MEF2C: variants seen among roughly 807,000 people sequenced by gnomAD.
MEF2C encodes myocyte enhancer factor 2C, also known as myocyte-specific enhancer factor 2C.
A neutral mutation model predicts 50.5 loss-of-function variants in MEF2C; 6 were observed. That is an observed-to-expected ratio of 0.12 (90% CI 0.07 to 0.23). MEF2C has a LOEUF of 0.23. Ranked by LOEUF, MEF2C falls within the 10% of genes least tolerant of loss-of-function variation. The pLI is 1.00. For synonymous variants in MEF2C, 183 were observed against 228.0 expected (o/e 0.80, Z 1.78); for missense variants, 276 against 605.0 (o/e 0.46, Z 5.70).
At chr5:88,774,237 C>T (rs1376427591) in intron 3 of MEF2C, among the ~76,000 whole-genome samples, 1 of 152,198 alleles carries the variant, frequency 6.6e-6, no homozygotes, top group Non-Finnish European at 1.5e-5. Context: ...ACAACTACAT[C>T]ATGCATTAAG....
intron 3 of MEF2C, among the ~76,000 whole-genome samples, chr5:88,776,414 C>A (rs779351898): frequency 6.6e-6 from 1 of 152,012 alleles, no homozygotes. Context: ...CCATAGCCAC[C>A]CTGCTGTGCA....
intron 6 of MEF2C, chr5:88,740,775 A>G (rs886367984): frequency 1.0e-6 from 1 of 985,262 alleles, no homozygotes; most frequent in South Asian, 4.7e-5. Flanking sequence ...GAACCACACT[A>G]TCTTTAAAAA....
At chr5:88,814,444 C>G (rs993396389) in intron 2 of MEF2C, among the ~76,000 whole-genome samples, 2 of 151,986 alleles carry the variant, frequency 1.3e-5, no homozygotes, top group African/African-American at 4.8e-5. Context: ...TTGTAACCCT[C>G]CAGCATAACT....
At chr5:88,762,749 T>C (rs539535299) in intron 3 of MEF2C, among the ~76,000 whole-genome samples, 162 of 152,258 alleles carry the variant, frequency 1.1e-3, no homozygotes, top group Admixed American at 1.8e-3. Context: ...CAAGATCCGT[T>C]ATAAAGAGAT....
chr5:88,823,615 A>T (rs1182429042), intron 2 of MEF2C, 120 bp downstream of exon 2: 2 of 930,672 alleles, frequency 2.1e-6, no homozygotes, highest in East Asian at 2.6e-5. Flanking sequence ...GGTCACATTT[A>T]ATTAACCCAA....
At chr5:88,746,441 CT>C (rs5869439) in intron 6 of MEF2C, 33,598 of 673,362 alleles carry the variant, frequency 0.05, 1 homozygote, top group Middle Eastern at 0.068. Context: ...CTCCCTCTCA[CT>C]TTTTTTTTTT....
chr5:88,881,845 T>C (rs1216245706), intron 1 of MEF2C, among the ~76,000 whole-genome samples: 1 of 152,128 alleles, frequency 6.6e-6, no homozygotes, highest in Non-Finnish European at 1.5e-5. Flanking sequence ...AGTTTCAGAT[T>C]CACAATAGTA....
At chr5:88,860,034 G>C (rs1373688797) in intron 1 of MEF2C, among the ~76,000 whole-genome samples, 2 of 151,978 alleles carry the variant, frequency 1.3e-5, no homozygotes, top group Non-Finnish European at 2.9e-5. Flanking sequence ...ATTTCCTTTA[G>C]GTAATGGAAA....
In MEF2C at chr5:88,720,546, A is replaced by T. The variant is rs553169131; in HGVS notation, c.*2058T>A. ...CAACTATGCAAGTAAAAGAGAAAAA[A>T]TGGATAAGAAATGTCCTACACATGA... is the stretch of plus-strand genomic sequence containing the variant. On this transcript the variant is annotated 3_prime_UTR_variant, in exon 11 of 11. Coordinates refer to ENST00000504921, the MANE Select transcript of MEF2C (RefSeq NM_002397.5). 3.3e-5 allele frequency: 5 copies of T among 152,716 alleles called. No individual in the cohort carries two copies. In the South Asian group the frequency reaches 1.0e-3, roughly 32 times the overall value. 9.5% of individuals were successfully genotyped at this position (152,716 alleles called of 1,614,324 possible).
chr5:88,769,820 G>T (rs11743441), intron 3 of MEF2C: 151,663 of 293,068 alleles, frequency 0.52, 40,853 homozygotes, highest in East Asian at 0.58. Flanking sequence ...AATTTTTGTA[G>T]TTTTTGGTAG....
intron 2 of MEF2C, among the ~76,000 whole-genome samples, chr5:88,820,041 TA>T (rs1170586274): frequency 6.6e-6 from 1 of 151,012 alleles, no homozygotes; most frequent in Non-Finnish European, 1.5e-5. Context: ...TATTCAGCCA[TA>T]AAATGGGACT....
chr5:88,766,341 C>T (rs1378332567), intron 3 of MEF2C, among the ~76,000 whole-genome samples: 1 of 152,106 alleles, frequency 6.6e-6, no homozygotes, highest in Non-Finnish European at 1.5e-5. Flanking sequence ...ACTAGAAAAT[C>T]CTTTTCTTAT....
intron 6 of MEF2C, chr5:88,748,124 C>G (rs1770803291): frequency 1.0e-6 from 1 of 983,026 alleles, no homozygotes; most frequent in Non-Finnish European, 1.2e-6. Context: ...ACTCTACCCT[C>G]AAATAGATAT....
intron 10 of MEF2C, 61 bp downstream of exon 10, chr5:88,728,432 A>T: frequency 8.0e-7 from 1 of 1,242,838 alleles, no homozygotes; most frequent in African/African-American, 1.6e-5. Flanking sequence ...ATATTTAGAG[A>T]CTGTCATTTG....
chr5:88,743,163 CT>C (rs1767662293), intron 6 of MEF2C: 1 of 907,894 alleles, frequency 1.1e-6, no homozygotes. Context: ...AAAATTATAT[CT>C]TTATACTAAC....
chr5:88,882,405 C>T (rs1833188738), intron 1 of MEF2C, among the ~76,000 whole-genome samples: 2 of 152,164 alleles, frequency 1.3e-5, no homozygotes, highest in Admixed American at 1.3e-4. Flanking sequence ...CTCTGTCAAG[C>T]CGGCACTTTG....
rs943998366 is a variant in MEF2C at position 88,743,773 on chromosome 5, G to A, written c.637+5297C>T. 6 of 985,090 alleles carry A rather than the reference G, an allele frequency of 6.1e-6. No homozygotes were observed. In the African/African-American group the frequency reaches 8.7e-5, roughly 14 times the overall value. 61.0% of individuals were successfully genotyped at this position (985,090 alleles called of 1,614,324 possible). A position where few individuals can be genotyped will look rare whatever the true frequency, so the allele number is the denominator to read the frequency against. On this transcript the variant is annotated intron_variant, in intron 6 of 10. Coordinates refer to ENST00000504921, the MANE Select transcript of MEF2C (RefSeq NM_002397.5). ...CCATCAACTCTCCATGTATTTAGCT[G>A]ACATAAATTAAGCATTCCAGAAGTG... is the stretch of plus-strand genomic sequence containing the variant.
chr5:88,811,110 G>GGGTGACATTTTAAGAA (rs745909764), intron 2 of MEF2C, among the ~76,000 whole-genome samples: 43 of 152,088 alleles, frequency 2.8e-4, no homozygotes, highest in Non-Finnish European at 5.4e-4. Context: ...TCAGTTCTGA[G>GGGTGACATTTTAAGAA]GGTGACATTT....
chr5:88,766,748 T>A (rs994206088), intron 3 of MEF2C: 1 of 985,436 alleles, frequency 1.0e-6, no homozygotes, highest in African/African-American at 1.7e-5. Flanking sequence ...GGTAGTGTGA[T>A]CTTTACTTCA....
Sources: allele counts gnomAD v4.1 joint callset (sites outside exome capture counted in the v4.1 genomes callset), GRCh38; gene constraint gnomAD v4.1.1; transcripts MANE v1.5; gene names NCBI Gene and HGNC (gene_info 2026-07-23, HGNC 2026-07-21).